Variants in CSMD1 observed in about 807,000 individuals in gnomAD.
CSMD1 encodes the protein CUB and Sushi multiple domains 1, also known as CUB and sushi domain-containing protein 1.
CSMD1 carries 213 observed loss-of-function variants against 417.5 expected under a neutral mutation model. The ratio of observed to expected loss-of-function variants is 0.51; its 90% CI spans 0.46 to 0.57. CSMD1 has a LOEUF of 0.57. CSMD1 is among the 20% of genes least tolerant of loss of function. The probability of loss-of-function intolerance (pLI) is 0.00; values close to 1 mark genes in which losing one functional copy is unlikely to be tolerated. For missense variants in CSMD1, 6,923 were observed against 4,529.7 expected (o/e 1.53, Z -15.17); for synonymous variants, 2,862 against 1,736.8 (o/e 1.65, Z -16.11).
At chr8:2,992,010 C>T (rs1806429766) in intron 54 of CSMD1, among the ~76,000 whole-genome samples, 3 of 152,134 alleles carry the variant, frequency 2.0e-5, no homozygotes. Flanking sequence ...TTTAAATATT[C>T]CATATGAGAA....
At chr8:4,795,417 A>G (rs1797923440) in intron 1 of CSMD1, among the ~76,000 whole-genome samples, 1 of 151,342 alleles carries the variant, frequency 6.6e-6, no homozygotes, top group South Asian at 2.1e-4. Context: ...GATTACAGGT[A>G]CCCAGCACCA....
chr8:4,595,570 G>A (rs755225601), intron 2 of CSMD1, among the ~76,000 whole-genome samples: 17 of 152,018 alleles, frequency 1.1e-4, no homozygotes, highest in Non-Finnish European at 1.6e-4. Context: ...TACATTCTCA[G>A]TGTTGCTTCC....
chr8:3,149,948 T>G (rs1245525237), intron 40 of CSMD1, among the ~76,000 whole-genome samples: 3 of 152,188 alleles, frequency 2.0e-5, no homozygotes, highest in Non-Finnish European at 4.4e-5. Context: ...TTAAGAGCGC[T>G]AGTGCTGTGT....
At chr8:3,027,688 G>A (rs1247154089) in intron 51 of CSMD1, among the ~76,000 whole-genome samples, 2 of 152,144 alleles carry the variant, frequency 1.3e-5, no homozygotes, top group Admixed American at 6.5e-5. Context: ...CTAGACATGT[G>A]ATGATAAATG....
At chr8:3,796,872 C>T (rs929701746) in intron 5 of CSMD1, among the ~76,000 whole-genome samples, 1 of 151,376 alleles carries the variant, frequency 6.6e-6, no homozygotes, top group Non-Finnish European at 1.5e-5. Context: ...ATTGTTTCTA[C>T]AAAAATGGAA....
intron 3 of CSMD1, among the ~76,000 whole-genome samples, chr8:4,043,445 A>T (rs1192919666): frequency 1.3e-5 from 2 of 152,258 alleles, no homozygotes; most frequent in Non-Finnish European, 2.9e-5. Flanking sequence ...GCACATCATG[A>T]TAATGGATGA....
Position 4,366,797 on chromosome 8 carries a change from T to C in CSMD1, c.415+53156A>G, listed in dbSNP as rs575707759. Among the ~76,000 whole-genome samples, 19 of 152,270 alleles carry C rather than the reference T, an allele frequency of 1.2e-4. No homozygotes were observed. The East Asian group carries it at 2.5e-3, about 20-fold the overall frequency. On this transcript the variant is annotated intron_variant, in intron 3 of 69. Coordinates refer to ENST00000635120, the MANE Select transcript of CSMD1 (RefSeq NM_033225.6). Reference sequence around the variant, plus strand: ...TACATATACATGTGCCATGCTGCTGTGCTGCACCCATTAACTCGTCATTTG... The same window carrying C: ...TACATATACATGTGCCATGCTGCTGCGCTGCACCCATTAACTCGTCATTTG...
chr8:4,758,130 G>C (rs1280838804), intron 1 of CSMD1, among the ~76,000 whole-genome samples: 5 of 152,074 alleles, frequency 3.3e-5, no homozygotes, highest in Non-Finnish European at 7.4e-5. Flanking sequence ...TGGCAACATT[G>C]ACCAACCAAA....
intron 1 of CSMD1, among the ~76,000 whole-genome samples, chr8:4,887,791 G>C (rs144396995): frequency 6.6e-6 from 1 of 151,446 alleles, no homozygotes; most frequent in Non-Finnish European, 1.5e-5. Flanking sequence ...GTCTCACTTC[G>C]TTTCTAGTGA....
At chr8:3,991,584 A>G (rs551312238) in intron 5 of CSMD1, among the ~76,000 whole-genome samples, 12 of 152,316 alleles carry the variant, frequency 7.9e-5, no homozygotes, top group African/African-American at 2.4e-4. Flanking sequence ...AAGAGTAGCT[A>G]GTGATGACTC....
chr8:3,584,235 T>A (rs909575229), intron 9 of CSMD1, among the ~76,000 whole-genome samples: 1 of 152,124 alleles, frequency 6.6e-6, no homozygotes, highest in African/African-American at 2.4e-5. Context: ...GAACAGAAGA[T>A]TGACAAAGCC....
chr8:3,857,693 A>T (rs1409653882), intron 5 of CSMD1, among the ~76,000 whole-genome samples: 2 of 152,174 alleles, frequency 1.3e-5, no homozygotes, highest in African/African-American at 2.4e-5. Context: ...GATTCTTCAT[A>T]ATCTTCAAAT....
intron 12 of CSMD1, among the ~76,000 whole-genome samples, chr8:3,463,466 T>G (rs1234135421): frequency 6.6e-6 from 1 of 152,202 alleles, no homozygotes; most frequent in Non-Finnish European, 1.5e-5. Flanking sequence ...CAAAAGGTTA[T>G]TTGAAGCCAC....
intron 2 of CSMD1, among the ~76,000 whole-genome samples, chr8:4,592,517 G>C (rs1800043239): frequency 1.3e-5 from 2 of 151,890 alleles, no homozygotes; most frequent in African/African-American, 4.8e-5. Context: ...TTCCTGAGTA[G>C]CTAGAACTAC....
At chr8:3,583,530 C>A (rs911169250) in intron 9 of CSMD1, among the ~76,000 whole-genome samples, 1 of 151,996 alleles carries the variant, frequency 6.6e-6, no homozygotes, top group Non-Finnish European at 1.5e-5. Flanking sequence ...GCGACAAACA[C>A]AGATGGACAG....
rs1055942430 is a variant in CSMD1, at chr8:3,805,058, G to A, written c.819-51016C>T. ...TCACACTGGAATATAACACCACTTA[G>A]GCACAGAGAATTAGAATAACAGATA... On this transcript the variant is annotated intron_variant, in intron 5 of 69. Transcript: ENST00000635120. Among the ~76,000 whole-genome samples, 3 of 151,730 alleles carry A rather than the reference G, an allele frequency of 2.0e-5. No individual in the cohort carries two copies. The South Asian group carries it at 6.2e-4, about 32-fold the overall frequency.
intron 24 of CSMD1, 123 bp from the exon 25 acceptor site, chr8:3,307,944 C>T (rs922719949): frequency 1.9e-6 from 2 of 1,078,680 alleles, no homozygotes; most frequent in African/African-American, 1.6e-5. Flanking sequence ...GAATCACCAT[C>T]ATCTCTCTCT....
chr8:4,594,245 C>G (rs562987921), intron 2 of CSMD1, among the ~76,000 whole-genome samples: 1 of 139,136 alleles, frequency 7.2e-6, no homozygotes, highest in Admixed American at 7.8e-5. Context: ...GCTCTGTTAC[C>G]CAGGCTGGAG....
At chr8:4,077,279 C>CTATATATATATATGTATATATA (rs1281597523) in intron 3 of CSMD1, among the ~76,000 whole-genome samples, 3 of 94,992 alleles carry the variant, frequency 3.2e-5, no homozygotes, top group Non-Finnish European at 6.5e-5. Flanking sequence ...CATTTGTCAC[C>CTATATATATATATGTATATATA]TATATATATA....
Sources: allele counts gnomAD v4.1 joint callset (sites outside exome capture counted in the v4.1 genomes callset), GRCh38; gene constraint gnomAD v4.1.1; transcripts MANE v1.5; gene names NCBI Gene and HGNC (gene_info 2026-07-23, HGNC 2026-07-21).